SNX14: variants seen among roughly 807,000 people sequenced by gnomAD.
SNX14 encodes the protein sorting nexin-14.
Under a neutral mutation model 133.8 loss-of-function variants are expected in SNX14, and 93 were observed. The ratio of observed to expected loss-of-function variants is 0.70; its 90% CI spans 0.59 to 0.83. SNX14 has a LOEUF of 0.83. SNX14 is among the 40% of genes least tolerant of loss of function. The pLI is 0.00. For missense variants in SNX14, 945 were observed against 1,094.9 expected, an observed-to-expected ratio of 0.86 and a Z score of 1.93; for synonymous variants, 368 against 365.6, an observed-to-expected ratio of 1.01 and a Z score of -0.07.
chr6:85,526,885 A>G (rs1279534867), intron 20 of SNX14, among the ~76,000 whole-genome samples: 1 of 152,142 alleles, frequency 6.6e-6, no homozygotes, highest in African/African-American at 2.4e-5. Flanking sequence ...CCTAGCCAAC[A>G]TGGCAAAACC....
intron 2 of SNX14, 102 bp from the exon 3 acceptor site, chr6:85,572,476 T>C: frequency 3.4e-6 from 3 of 879,462 alleles, no homozygotes; most frequent in East Asian, 2.5e-5. Context: ...AATGTATAAA[T>C]TCAAAGAACA....
At chr6:85,589,137 G>A (rs909744745) in intron 1 of SNX14, 5 of 218,690 alleles carry the variant, frequency 2.3e-5, no homozygotes, top group Admixed American at 1.5e-4. Flanking sequence ...TCAAAGAAGG[G>A]TCCATGTGAT....
At chr6:85,578,444 G>T (rs534760153) in intron 1 of SNX14, among the ~76,000 whole-genome samples, 11 of 152,264 alleles carry the variant, frequency 7.2e-5, no homozygotes, top group East Asian at 5.8e-4. Context: ...AGGGAAGAGG[G>T]GGGTATCCTG....
intron 21 of SNX14, among the ~76,000 whole-genome samples, chr6:85,524,785 GAA>G (rs397885760): frequency 3.7e-4 from 33 of 88,240 alleles, no homozygotes; most frequent in African/African-American, 7.3e-4. Flanking sequence ...TTCCATCACA[GAA>G]AAAAAAAAAA....
rs1226573104 is a variant in SNX14, at chr6:85,536,880, C to T, written c.1520G>A (p.Gly507Asp). 9.3e-6 allele frequency: 15 copies of T among 1,613,154 alleles called. No individual in the cohort carries two copies. The highest frequency in any genetic ancestry group is 1.3e-5 in the Non-Finnish European group (15 of 1,179,660). The stretch of plus-strand genomic sequence containing the variant: ...TTTGAATACTCCTTTAATTTTGCTA[C>T]CTATTCTGCTGATTCCAAATGATTC... ...RGESFGISRI[G>D]SKIKGVFKST... The change falls in exon 17 of 29, where the codon GGT (glycine) becomes GAT (aspartate). Residue 507 changes from glycine to aspartate, a missense_variant. By Grantham distance (94) the Gly-to-Asp change is moderately conservative (BLOSUM62 -1). This residue lies in a region of SNX14 where 412 missense variants were observed against 516.6 expected (regional missense o/e 0.80). Transcript: ENST00000314673.
rs996958950 is a variant in SNX14 at position 85,574,124 on chromosome 6, A to C, written c.261+134T>G. 55 of 682,422 alleles carry C rather than the reference A, an allele frequency of 8.1e-5. No individual in the cohort carries two copies. In the African/African-American group the frequency reaches 1.0e-3, roughly 12 times the overall value. The allele number at this position is 682,422 out of a possible 1,614,324, so 42.3% of individuals were successfully genotyped here. On this transcript the variant is annotated intron_variant, in intron 2 of 28. Transcript: ENST00000314673. ...AGCAGAGTACCTAAAAAAAACAAAA[A>C]AAAAAAAGAGAAGAAATTGAAAGAA...
In SNX14 at chr6:85,514,689, T is replaced by A. The variant is rs536384394; in HGVS notation, c.2269-60A>T. On this transcript the variant is annotated intron_variant, in intron 23 of 28. Transcript: ENST00000314673. ...AGTTTATTACATCTGCTGACGATAATCAATAAGGATTAAGTGTCACACAGC... is the reference window on the plus strand; with the variant it reads ...AGTTTATTACATCTGCTGACGATAAACAATAAGGATTAAGTGTCACACAGC... The A allele has an allele frequency of 6.4e-5, 98 of 1,527,746 alleles. No homozygotes were observed. The African/African-American group carries it at 1.2e-3, about 19-fold the overall frequency. 94.6% of individuals were successfully genotyped at this position (1,527,746 alleles called of 1,614,324 possible). A position where few individuals can be genotyped will look rare whatever the true frequency, so the allele number is the denominator to read the frequency against.
chr6:85,506,691 T>A (rs1378142907), intron 28 of SNX14, among the ~76,000 whole-genome samples: 1 of 152,208 alleles, frequency 6.6e-6, no homozygotes, highest in African/African-American at 2.4e-5. Context: ...TTCATTTCAA[T>A]ACCACAGCAC....
intron 23 of SNX14, among the ~76,000 whole-genome samples, chr6:85,516,754 C>T (rs1472428518): frequency 6.6e-6 from 1 of 151,502 alleles, no homozygotes; most frequent in African/African-American, 2.4e-5. Context: ...TCTCCTGCCT[C>T]GGCCTCCCGA....
rs1211301357 is a variant in SNX14, at chr6:85,505,805, T to C, written c.*162A>G. ...AAAGACTATGAGACTCAATCACTTT[T>C]AATCATTAAGTTTGTGTTAGTCTTT... On this transcript the variant is annotated 3_prime_UTR_variant, in exon 29 of 29. Coordinates refer to ENST00000314673, the MANE Select transcript of SNX14 (RefSeq NM_153816.6). 1 of 615,052 alleles carries C rather than the reference T, an allele frequency of 1.6e-6. No individual in the cohort carries two copies. Among genetic ancestry groups the C allele is most frequent in the African/African-American group, 1.9e-5 (1 of 52,842 alleles). The allele number at this position is 615,052 out of a possible 1,614,324, so 38.1% of individuals were successfully genotyped here. A position where few individuals can be genotyped will look rare whatever the true frequency, so the allele number is the denominator to read the frequency against.
intron 4 of SNX14, chr6:85,568,134 G>A (rs1794479285): frequency 6.6e-6 from 1 of 150,930 alleles, no homozygotes; most frequent in Admixed American, 6.6e-5. Context: ...CTTATTATTA[G>A]AATGACATGC....
intron 1 of SNX14, among the ~76,000 whole-genome samples, chr6:85,583,988 G>T (rs1052476754): frequency 1.3e-5 from 2 of 152,052 alleles, no homozygotes; most frequent in Admixed American, 6.6e-5. Flanking sequence ...AAACTGCCTG[G>T]CTTCAAACTA....
intron 20 of SNX14, among the ~76,000 whole-genome samples, chr6:85,527,321 G>T (rs1778809698): frequency 6.6e-6 from 1 of 151,680 alleles, no homozygotes; most frequent in Non-Finnish European, 1.5e-5. Flanking sequence ...AAACATCCTT[G>T]CAGTAGTTAA....
Position 85,514,056 on chromosome 6 carries a change from T to G in SNX14, c.2557+14A>C. On this transcript the variant is annotated intron_variant, in intron 25 of 28. Transcript: ENST00000314673. ...TACACAAAATATGAAACAAACACATTAGAAAATACAAACCTCTGAGAAGTG... is the reference window on the plus strand; with the variant it reads ...TACACAAAATATGAAACAAACACATGAGAAAATACAAACCTCTGAGAAGTG... 4 of 1,595,046 alleles carry G rather than the reference T, an allele frequency of 2.5e-6. No homozygotes were observed. The highest frequency in any genetic ancestry group is 3.4e-6 in the Non-Finnish European group (4 of 1,173,888).
intron 2 of SNX14, 23 bp from the exon 3 acceptor site, chr6:85,572,397 G>A (rs756521924): frequency 1.3e-6 from 2 of 1,550,070 alleles, no homozygotes; most frequent in African/African-American, 2.7e-5. Context: ...AATGAGAGGT[G>A]GTGGGGAGAT....
In SNX14 at chr6:85,557,992, A is replaced by T. The variant is rs1562327959; in HGVS notation, c.618T>A (p.Val206=). 2 of 1,593,180 alleles carry T rather than the reference A, an allele frequency of 1.3e-6. No homozygotes were observed. Among genetic ancestry groups the T allele is most frequent in the Non-Finnish European group, 1.7e-6 (2 of 1,164,636 alleles). The part of the protein sequence containing the change: ...KAAMKHIEVI[V]KARQKVKNTE... ...CTGTATTACCTTTCTGTCTGGCTTT[A>T]ACTATCACTTCTATATGCTTCATTG... is the stretch of plus-strand genomic sequence containing the variant. Residue 206 remains valine, a synonymous_variant, in exon 7 of 29, where the codon GTT becomes GTA. Transcript: ENST00000314673.
chr6:85,592,437 G>A (rs1803093426), intron 1 of SNX14, among the ~76,000 whole-genome samples: 1 of 152,188 alleles, frequency 6.6e-6, no homozygotes, highest in Admixed American at 6.5e-5. Flanking sequence ...AGAGAAAACA[G>A]CTTGCGGATG....
chr6:85,511,020 G>A (rs1026973242), intron 26 of SNX14, among the ~76,000 whole-genome samples: 1 of 152,060 alleles, frequency 6.6e-6, no homozygotes, highest in African/African-American at 2.4e-5. Flanking sequence ...TCAGAAGAAC[G>A]GACATCTTGA....
chr6:85,514,714 CA>C, intron 23 of SNX14, 85 bp from the exon 24 acceptor site: 2 of 1,363,012 alleles, frequency 1.5e-6, no homozygotes, highest in Non-Finnish European at 2.0e-6. Context: ...TGTCACACAG[CA>C]AAGGCATTTA....
Sources: gnomAD v4.1 joint callset for allele counts (sites outside exome capture counted in the v4.1 genomes callset) on GRCh38, gnomAD v4.1.1 for gene constraint, gnomAD v4.1.1 regional missense constraint, MANE v1.5 for transcripts, NCBI Gene and HGNC (gene_info 2026-07-23, HGNC 2026-07-21) for gene names.